Variants in SORD observed in about 807,000 individuals in gnomAD.
SORD encodes the protein sorbitol dehydrogenase.
A neutral mutation model predicts 35.6 loss-of-function variants in SORD; 18 were observed. The ratio of observed to expected loss-of-function variants is 0.51; its 90% CI spans 0.35 to 0.75. The LOEUF is 0.75. Ranked by LOEUF, SORD falls within the 30% of genes least tolerant of loss-of-function variation. SORD has a pLI of 0.01. For missense variants in SORD, 250 were observed against 390.2 expected (o/e 0.64, Z 3.03); for synonymous variants, 106 against 152.9 (o/e 0.69, Z 2.26).
At chr15:45,054,299 A>C (rs865938653) in intron 3 of SORD, among the ~76,000 whole-genome samples, 1,767 of 152,012 alleles carry the variant, frequency 0.012, 30 homozygotes, top group African/African-American at 0.041. Flanking sequence ...CATTCTCTCC[A>C]GCACCTGTTG....
intron 5 of SORD, among the ~76,000 whole-genome samples, chr15:45,066,255 A>G (rs1269294065): frequency 6.6e-6 from 1 of 151,678 alleles, no homozygotes; most frequent in Non-Finnish European, 1.5e-5. Flanking sequence ...AAAAAAAAAA[A>G]AAAAAAAAGG....
chr15:45,073,489 A>G lies in SORD; in HGVS notation c.1033A>G (p.Lys345Glu), dbSNP rs1359612738. 1 of 1,554,848 alleles carries G rather than the reference A, an allele frequency of 6.4e-7. No individual in the cohort carries two copies. The highest frequency in any genetic ancestry group is 8.6e-7 in the Non-Finnish European group (1 of 1,160,804). The change falls in exon 9 of 9, where the codon AAA (lysine) becomes GAA (glutamate). Residue 345 changes from lysine (K) to glutamate (E), a missense_variant. Physicochemically the swap from Lys to Glu is moderately conservative, Grantham distance 56. Around this residue, in one of 8 missense-constraint regions of SORD, gnomAD observed 17 missense variants for 26.2 expected, o/e 0.65. Coordinates refer to ENST00000267814, the MANE Select transcript of SORD (RefSeq NM_003104.6). The stretch of plus-strand genomic sequence containing the variant: ...AACATTTAAAAAGGGATTGGGGTTG[A>G]AAATCATGCTCAAGTGTGACCCCAG... ...FETFKKGLGL[K>E]IMLKCDPSDQ...
chr15:45,042,617 A>G (rs1294981290), intron 2 of SORD: 1 of 152,934 alleles, frequency 6.5e-6, no homozygotes, highest in Non-Finnish European at 1.5e-5. Flanking sequence ...TTTTCTCATA[A>G]ATAGATACGA....
intron 4 of SORD, 96 bp downstream of exon 4, chr15:45,061,322 C>T: frequency 7.2e-7 from 1 of 1,381,302 alleles, no homozygotes; most frequent in East Asian, 2.3e-5. Flanking sequence ...CTTTTCAGCT[C>T]ATAATTCCAA....
rs752438950 is a variant in SORD, at chr15:45,023,334, G to A, written c.51G>A (p.Pro17=). ...PNNLSLVVHG[P]GDLRLENYPI... Reference sequence around the variant, plus strand: ...ACCTTTCCCTGGTGGTGCACGGACCGGGGGACTTGCGCCTGGTAAGCTGGG... The same window carrying A: ...ACCTTTCCCTGGTGGTGCACGGACCAGGGGACTTGCGCCTGGTAAGCTGGG... Residue 17 remains proline, a synonymous_variant, in exon 1 of 9, where the codon CCG becomes CCA. Coordinates refer to ENST00000267814, the MANE Select transcript of SORD (RefSeq NM_003104.6). The A allele has an allele frequency of 4.2e-5, 67 of 1,585,374 alleles. No homozygotes were observed. In the South Asian group the frequency reaches 6.9e-4, roughly 16 times the overall value.
At chr15:45,030,053 A>T (rs1270903257) in intron 1 of SORD, among the ~76,000 whole-genome samples, 1 of 152,246 alleles carries the variant, frequency 6.6e-6, no homozygotes, top group African/African-American at 2.4e-5. Context: ...AAGGGTGGGG[A>T]TCAATCAGAG....
intron 2 of SORD, chr15:45,041,740 C>G (rs1892968829): frequency 6.6e-6 from 1 of 152,204 alleles, no homozygotes; most frequent in Non-Finnish European, 1.5e-5. Context: ...GTCTTGGACA[C>G]AGAGTACAAG....
chr15:45,037,811 G>A (rs1427103592), intron 1 of SORD, among the ~76,000 whole-genome samples: 2 of 151,130 alleles, frequency 1.3e-5, no homozygotes, highest in Non-Finnish European at 2.9e-5. Context: ...GGGGGTGGGG[G>A]ACAAGGGGAG....
intron 3 of SORD, among the ~76,000 whole-genome samples, chr15:45,052,983 G>A (rs1469228764): frequency 6.6e-6 from 1 of 152,180 alleles, no homozygotes; most frequent in East Asian, 1.9e-4. Flanking sequence ...GACAGAAGGT[G>A]CTGAGATAGA....
chr15:45,036,978 T>A (rs182373654), intron 1 of SORD, among the ~76,000 whole-genome samples: 1 of 152,318 alleles, frequency 6.6e-6, no homozygotes, highest in Non-Finnish European at 1.5e-5. Context: ...GCAACCATGC[T>A]GTAATAACTT....
intron 1 of SORD, among the ~76,000 whole-genome samples, chr15:45,035,924 G>A (rs573924716): frequency 6.8e-5 from 10 of 147,316 alleles, no homozygotes; most frequent in African/African-American, 2.3e-4. Context: ...AACATCAGAA[G>A]GAACAAACTC....
intron 3 of SORD, among the ~76,000 whole-genome samples, chr15:45,047,368 G>A (rs1319578371): frequency 6.6e-6 from 1 of 152,028 alleles, no homozygotes; most frequent in Non-Finnish European, 1.5e-5. Flanking sequence ...GCCTCACCAG[G>A]TTCCTAACAT....
intron 3 of SORD, among the ~76,000 whole-genome samples, chr15:45,053,659 T>G (rs1595503255): frequency 6.6e-6 from 1 of 152,064 alleles, no homozygotes; most frequent in East Asian, 1.9e-4. Context: ...TTATTATTAT[T>G]ATACTTTAAG....
intron 5 of SORD, 65 bp from the exon 6 acceptor site, chr15:45,068,116 C>A (rs1441273100): frequency 1.6e-6 from 2 of 1,264,688 alleles, no homozygotes; most frequent in Non-Finnish European, 2.3e-6. Context: ...TATCCATGGC[C>A]TGGACAAGTG....
intron 1 of SORD, among the ~76,000 whole-genome samples, chr15:45,029,807 G>C (rs1892743332): frequency 6.6e-6 from 1 of 152,252 alleles, no homozygotes. Flanking sequence ...AAGGGAACTG[G>C]AGAGGGGATG....
chr15:45,025,659 AGGACAC>A (rs1319974567), intron 1 of SORD, among the ~76,000 whole-genome samples: 2 of 150,622 alleles, frequency 1.3e-5, no homozygotes, highest in Non-Finnish European at 1.5e-5. Flanking sequence ...TCTCTGGGAC[AGGACAC>A]AAGGTGCCTT....
intron 3 of SORD, among the ~76,000 whole-genome samples, chr15:45,051,412 C>T (rs1005349804): frequency 5.9e-5 from 9 of 152,162 alleles, no homozygotes; most frequent in Middle Eastern, 3.4e-3. Context: ...TCCAGGGGCC[C>T]GCTATAATAC....
intron 3 of SORD, among the ~76,000 whole-genome samples, chr15:45,050,142 G>C (rs968926728): frequency 6.6e-6 from 1 of 152,174 alleles, no homozygotes; most frequent in East Asian, 1.9e-4. Flanking sequence ...GAGTGCAGTG[G>C]CGCCATCTGG....
At chr15:45,050,938 G>A (rs978503041) in intron 3 of SORD, among the ~76,000 whole-genome samples, 4 of 152,212 alleles carry the variant, frequency 2.6e-5, no homozygotes, top group African/African-American at 9.6e-5. Context: ...TATTAGTTCA[G>A]TCCATTCCAT....
Sources: gnomAD v4.1 joint callset for allele counts (sites outside exome capture counted in the v4.1 genomes callset) on GRCh38, gnomAD v4.1.1 for gene constraint, gnomAD v4.1.1 regional missense constraint, MANE v1.5 for transcripts, NCBI Gene and HGNC (gene_info 2026-07-23, HGNC 2026-07-21) for gene names.